ENTREP2: variants seen among roughly 807,000 people sequenced by gnomAD.
The protein encoded by ENTREP2 is endosomal transmembrane epsin interactor 2, also known as protein ENTREP2.
the ENTREP2 span, among the ~76,000 whole-genome samples, chr15:29,669,096 C>T: frequency 6.6e-6 from 1 of 152,130 alleles, no homozygotes; most frequent in Admixed American, 6.5e-5. Context: ...ATCTCAGCTA[C>T]TTGGGAGGCT....
chr15:29,642,671 G>T, the ENTREP2 span, among the ~76,000 whole-genome samples: 1 of 151,706 alleles, frequency 6.6e-6, no homozygotes, highest in African/African-American at 2.4e-5. Context: ...GAAGTGCAGT[G>T]GCACGATCTC....
the ENTREP2 span, chr15:29,267,160 T>G: frequency 6.6e-6 from 1 of 152,222 alleles, no homozygotes; most frequent in Non-Finnish European, 1.5e-5. Flanking sequence ...ATCACATTCC[T>G]CCATACTCAC....
chr15:29,546,369 T>C, the ENTREP2 span, among the ~76,000 whole-genome samples: 7,217 of 152,000 alleles, frequency 0.047, 601 homozygotes, highest in African/African-American at 0.17. Flanking sequence ...AGTATAAAAA[T>C]GCAGAGTCCA....
chr15:29,666,662 C>G, the ENTREP2 span, among the ~76,000 whole-genome samples: 2 of 152,196 alleles, frequency 1.3e-5, no homozygotes, highest in Admixed American at 1.3e-4. Context: ...GCCTGCCAGG[C>G]CAGTCCCCAC....
the ENTREP2 span, among the ~76,000 whole-genome samples, chr15:29,504,291 A>G: frequency 3.3e-4 from 51 of 152,316 alleles, 1 homozygote; most frequent in Admixed American, 2.4e-3. Flanking sequence ...TGTTCTCAGA[A>G]GGGCACTCTA....
chr15:29,411,732 C>T, the ENTREP2 span, among the ~76,000 whole-genome samples: 5 of 152,084 alleles, frequency 3.3e-5, no homozygotes, highest in South Asian at 2.1e-4. Flanking sequence ...AAATTCTTTC[C>T]AAATTTCTTA....
At chr15:29,234,102 A>T in the ENTREP2 span, 1 of 1,510,408 alleles carries the variant, frequency 6.6e-7, no homozygotes. Context: ...AACATATCAG[A>T]CATTCTCTGC....
At chr15:29,215,539 T>C in the ENTREP2 span, among the ~76,000 whole-genome samples, 2 of 150,744 alleles carry the variant, frequency 1.3e-5, no homozygotes, top group Admixed American at 1.3e-4. Context: ...TGTGAGACCT[T>C]GTAATAATGT....
At chr15:29,344,784 A>T in the ENTREP2 span, among the ~76,000 whole-genome samples, 1 of 151,982 alleles carries the variant, frequency 6.6e-6, no homozygotes, top group South Asian at 2.1e-4. Flanking sequence ...GAGAGGCCTG[A>T]CTCCCAGGGG....
At chr15:29,626,475 G>A in the ENTREP2 span, among the ~76,000 whole-genome samples, 90 of 152,202 alleles carry the variant, frequency 5.9e-4, 1 homozygote, top group African/African-American at 2.0e-3. Flanking sequence ...CCACAATTGC[G>A]AGGCCTCCCA....
the ENTREP2 span, among the ~76,000 whole-genome samples, chr15:29,187,329 G>A: frequency 6.6e-6 from 1 of 151,922 alleles, no homozygotes; most frequent in Non-Finnish European, 1.5e-5. Flanking sequence ...AGGCTGGAGT[G>A]CAGTGGTGCG....
At chr15:29,639,749 A>C in the ENTREP2 span, among the ~76,000 whole-genome samples, 17 of 151,050 alleles carry the variant, frequency 1.1e-4, no homozygotes, top group African/African-American at 4.2e-4. Context: ...CAACAAAATC[A>C]AAAGTTGGTT....
At chr15:29,132,606 TC>T in the ENTREP2 span, among the ~76,000 whole-genome samples, 1 of 152,182 alleles carries the variant, frequency 6.6e-6, no homozygotes, top group Non-Finnish European at 1.5e-5. Flanking sequence ...CTGAGAGAAT[TC>T]CCCAGAGTTC....
At chr15:29,235,118 C>A in the ENTREP2 span, 1 of 1,023,308 alleles carries the variant, frequency 9.8e-7, no homozygotes, top group Non-Finnish European at 1.5e-6. Context: ...CAGATGTGGG[C>A]AGGAGCCACC....
the ENTREP2 span, among the ~76,000 whole-genome samples, chr15:29,479,408 G>T: frequency 1.3e-5 from 2 of 151,834 alleles, no homozygotes; most frequent in South Asian, 2.1e-4. Flanking sequence ...AATTACCCAG[G>T]GTCAGGTATT....
the ENTREP2 span, among the ~76,000 whole-genome samples, chr15:29,259,795 G>A: frequency 9.1e-4 from 134 of 147,706 alleles, 1 homozygote; most frequent in African/African-American, 3.5e-3. Context: ...TGAGCAACAT[G>A]GTGAAATCCC....
chr15:29,590,241 G>A, the ENTREP2 span, among the ~76,000 whole-genome samples: 4 of 152,038 alleles, frequency 2.6e-5, no homozygotes, highest in African/African-American at 7.3e-5. Flanking sequence ...CAGGTTCAGC[G>A]ACCACCTTAG....
At chr15:29,546,508 T>C in the ENTREP2 span, among the ~76,000 whole-genome samples, 1 of 152,114 alleles carries the variant, frequency 6.6e-6, no homozygotes, top group African/African-American at 2.4e-5. Flanking sequence ...TGTCAAAAAG[T>C]ACATGGCCAA....
At chr15:29,637,239 T>C in the ENTREP2 span, among the ~76,000 whole-genome samples, 1 of 152,212 alleles carries the variant, frequency 6.6e-6, no homozygotes, top group South Asian at 2.1e-4. Context: ...TCTGATACAA[T>C]GTCAGTAAAT....
Sources: gnomAD v4.1 joint callset for allele counts (sites outside exome capture counted in the v4.1 genomes callset) on GRCh38, gnomAD v4.1.1 for gene constraint, MANE v1.5 for transcripts, NCBI Gene and HGNC (gene_info 2026-07-23, HGNC 2026-07-21) for gene names.